The following CAPN3 variants were observed in gnomAD, a reference collection of about 807,000 sequenced individuals.
CAPN3 encodes the protein calpain-3.
In CAPN3, 88 loss-of-function variants were observed where a neutral mutation model predicts 114.0. The observed-to-expected ratio is 0.77, with a 90% CI of 0.65 to 0.92. The LOEUF is 0.92. Among genes scored for constraint, CAPN3 ranks in the 40% least tolerant of loss-of-function variants. CAPN3 has a pLI of 0.00. For synonymous variants in CAPN3, 386 were observed against 382.9 expected (o/e 1.01, Z -0.09); for missense variants, 1,028 against 1,069.0 (o/e 0.96, Z 0.53).
chr15:42,376,102 G>A (rs534247496), intron 1 of CAPN3, among the ~76,000 whole-genome samples: 2 of 152,324 alleles, frequency 1.3e-5, no homozygotes, highest in African/African-American at 4.8e-5. Flanking sequence ...GTAAAGTGCC[G>A]TTTTTGTCAC....
intron 1 of CAPN3, among the ~76,000 whole-genome samples, chr15:42,369,034 T>C (rs8038771): frequency 0.052 from 7,994 of 152,296 alleles, 647 homozygotes; most frequent in African/African-American, 0.17. Flanking sequence ...GGCTTCTGGC[T>C]GATTTCTGTC....
intron 17 of CAPN3, among the ~76,000 whole-genome samples, 151 bp from the exon 18 acceptor site, chr15:42,409,634 CCT>C (rs902379114): frequency 1.1e-4 from 16 of 152,254 alleles, no homozygotes; most frequent in South Asian, 4.1e-4. Context: ...TATCTGGCCC[CCT>C]GTCTTCCTCA....
At chr15:42,362,833 C>A (rs1400900726) in intron 1 of CAPN3, among the ~76,000 whole-genome samples, 1 of 152,222 alleles carries the variant, frequency 6.6e-6, no homozygotes, top group Non-Finnish European at 1.5e-5. Context: ...TCTCCATAAA[C>A]TTCTTCAGAT....
At chr15:42,361,283 G>A (rs986607360) in intron 1 of CAPN3, among the ~76,000 whole-genome samples, 11 of 152,060 alleles carry the variant, frequency 7.2e-5, no homozygotes, top group African/African-American at 2.7e-4. Context: ...CTGGGCAACA[G>A]GGTGAAAACC....
chr15:42,380,755 T>A (rs71405246), intron 1 of CAPN3, among the ~76,000 whole-genome samples: 9,887 of 57,614 alleles, frequency 0.17, 181 homozygotes, highest in Non-Finnish European at 0.21. Flanking sequence ...ATATATATTT[T>A]TTTTTTTTTT....
intron 1 of CAPN3, among the ~76,000 whole-genome samples, chr15:42,380,144 G>T (rs1375006039): frequency 6.6e-6 from 1 of 152,156 alleles, no homozygotes; most frequent in African/African-American, 2.4e-5. Flanking sequence ...ACATATAGTC[G>T]AGTCTTGTTT....
chr15:42,373,703 C>T (rs1942772528), intron 1 of CAPN3, among the ~76,000 whole-genome samples: 1 of 152,212 alleles, frequency 6.6e-6, no homozygotes. Context: ...CATCTGCAGT[C>T]AAGTTACCTA....
At chr15:42,406,533 A>G (rs2054028515) in intron 15 of CAPN3, among the ~76,000 whole-genome samples, 1 of 151,998 alleles carries the variant, frequency 6.6e-6, no homozygotes, top group Non-Finnish European at 1.5e-5. Context: ...TTATAACAGT[A>G]TCTACAAAGT....
rs541893953 is a variant in CAPN3 at position 42,390,680 on chromosome 15, A to G, written c.945+584A>G. Among the ~76,000 whole-genome samples the G allele has an allele frequency of 1.4e-4, 21 of 152,208 alleles. No homozygotes were observed. The South Asian group carries it at 3.5e-3, about 26-fold the overall frequency. On this transcript the variant is annotated intron_variant, in intron 6 of 23. Coordinates refer to ENST00000397163, the MANE Select transcript of CAPN3 (RefSeq NM_000070.3). ...CTTAACATCTAGTATATGTTCTTCC[A>G]GGATTTTTCTATGCACACACTGAAT...
intron 17 of CAPN3, 56 bp from the exon 18 acceptor site, chr15:42,409,731 C>G (rs569329660): frequency 6.7e-7 from 1 of 1,484,898 alleles, no homozygotes; most frequent in Admixed American, 1.7e-5. Context: ...GCAAAGTGTC[C>G]GCGCCAGGAG....
At position 42,411,960 on chromosome 15, in the gene CAPN3, C is replaced by T; in HGVS notation, c.*187C>T. On this transcript the variant is annotated 3_prime_UTR_variant, in exon 24 of 24. Coordinates refer to ENST00000397163, the MANE Select transcript of CAPN3 (RefSeq NM_000070.3). ...CCTTGATCGGTCATGCCTAGCCTGA[C>T]CCTTTAGTAAAGCAATGAGGTAGGA... is the stretch of plus-strand genomic sequence containing the variant. The T allele has an allele frequency of 6.6e-7, 1 of 1,520,482 alleles. No homozygotes were observed. The highest frequency in any genetic ancestry group is 8.8e-7 in the Non-Finnish European group (1 of 1,131,840). The allele number at this position is 1,520,482 out of a possible 1,614,324, so 94.2% of individuals were successfully genotyped here. A position where few individuals can be genotyped will look rare whatever the true frequency, so the allele number is the denominator to read the frequency against.
chr15:42,384,322 G>A (rs902026191), intron 1 of CAPN3, among the ~76,000 whole-genome samples, 161 bp from the exon 2 acceptor site: 2 of 152,216 alleles, frequency 1.3e-5, no homozygotes, highest in African/African-American at 4.8e-5. Flanking sequence ...TGAGGCAGGA[G>A]AATCACTTGA....
rs1035533876 is a variant in CAPN3, at chr15:42,401,687, G to C, written c.1401G>C (p.Glu467Asp). ...AGTACCGTCTGAAGCTCCTGGAGGA[G>C]GACGATGACCCTGATGACTCGGAGG... is the stretch of plus-strand genomic sequence containing the variant. ...NPQYRLKLLEEDDDPDDSEVI... is the reference protein window; with the variant it reads ...NPQYRLKLLEDDDDPDDSEVI... The change falls in exon 11 of 24, where the codon GAG (glutamate) becomes GAC (aspartate). Residue 467 changes from glutamate (E) to aspartate (D), a missense_variant. By Grantham distance (45) the Glu-to-Asp change is conservative. Coordinates refer to ENST00000397163, the MANE Select transcript of CAPN3 (RefSeq NM_000070.3). 2.5e-6 allele frequency: 4 copies of C among 1,614,046 alleles called. No homozygotes were observed. Among genetic ancestry groups the C allele is most frequent in the Admixed American group, 1.7e-5 (1 of 59,996 alleles).
intron 14 of CAPN3, among the ~76,000 whole-genome samples, chr15:42,405,486 T>A (rs559875388): frequency 2.1e-3 from 324 of 152,156 alleles, no homozygotes; most frequent in Non-Finnish European, 3.6e-3. Context: ...AATTTTTGTA[T>A]TTTTTAGTCG....
chr15:42,408,136 GA>G lies in CAPN3; in HGVS notation c.1801-74del, dbSNP rs1212873360. The G allele has an allele frequency of 3.1e-6, 3 of 955,690 alleles. No individual in the cohort carries two copies. In the African/African-American group the frequency reaches 4.8e-5, roughly 15 times the overall value. 59.2% of individuals were successfully genotyped at this position (955,690 alleles called of 1,614,324 possible). On this transcript the variant is annotated intron_variant, in intron 15 of 23. Coordinates refer to ENST00000397163, the MANE Select transcript of CAPN3 (RefSeq NM_000070.3). ...TTCTCACTGGATAAAGCTGCTCCAAGAGAGGTGCTGCCTCAGTGTGCCTGTT... is the reference window on the plus strand; with the variant it reads ...TTCTCACTGGATAAAGCTGCTCCAAGGAGGTGCTGCCTCAGTGTGCCTGTT...
At chr15:42,398,052 C>G (rs2053751258) in intron 9 of CAPN3, among the ~76,000 whole-genome samples, 1 of 151,958 alleles carries the variant, frequency 6.6e-6, no homozygotes, top group Non-Finnish European at 1.5e-5. Flanking sequence ...CAGATGTAAG[C>G]CACCACACCT....
In CAPN3 at chr15:42,388,965, A is replaced by G; in HGVS notation, c.670A>G (p.Thr224Ala). 6.2e-7 allele frequency: 1 copy of G among 1,614,094 alleles called. No homozygotes were observed. Among genetic ancestry groups the G allele is most frequent in the Non-Finnish European group, 8.5e-7 (1 of 1,180,016 alleles). Residue 224 changes from threonine (T) to alanine (A), a missense_variant, in exon 5 of 24, where the codon ACC (threonine) becomes GCC (alanine). Transcript: ENST00000397163. The stretch of plus-strand genomic sequence containing the variant: ...CTACGAAGCTCTGAAAGGTGGGAAC[A>G]CCACAGAGGCCATGGAGGACTTCAC... ...GSYEALKGGNTTEAMEDFTGG... is the reference protein window; with the variant it reads ...GSYEALKGGNATEAMEDFTGG...
At chr15:42,390,224 T>A (rs1280454624) in intron 6 of CAPN3, 128 bp downstream of exon 6, 15 of 1,066,884 alleles carry the variant, frequency 1.4e-5, no homozygotes, top group Non-Finnish European at 2.1e-5. Context: ...CTCCCAAGGG[T>A]CTGGGTTGAA....
chr15:42,403,998 A>G (rs2053948174), intron 14 of CAPN3: 2 of 652,358 alleles, frequency 3.1e-6, no homozygotes, highest in East Asian at 3.0e-5. Flanking sequence ...GGGCTGGGAA[A>G]TATGGAAGAG....
Sources: allele counts gnomAD v4.1 joint callset (sites outside exome capture counted in the v4.1 genomes callset), GRCh38; gene constraint gnomAD v4.1.1; transcripts MANE v1.5; gene names NCBI Gene and HGNC (gene_info 2026-07-23, HGNC 2026-07-21).